The following DOCK3 variants were observed in gnomAD, a reference collection of about 807,000 sequenced individuals.
DOCK3 encodes dedicator of cytokinesis protein 3.
A neutral mutation model predicts 265.6 loss-of-function variants in DOCK3; 60 were observed. The ratio of observed to expected loss-of-function variants is 0.23; its 90% CI spans 0.18 to 0.28. The LOEUF (loss-of-function observed/expected upper bound fraction) is 0.28, where lower values mean the gene tolerates loss of function less well. DOCK3 is among the 10% of genes least tolerant of loss of function. The pLI is 1.00. For missense variants in DOCK3, 1,981 were observed against 2,594.3 expected (o/e 0.76, Z 5.14); for synonymous variants, 881 against 938.0 (o/e 0.94, Z 1.11).
intron 9 of DOCK3, among the ~76,000 whole-genome samples, chr3:51,091,572 A>G (rs2082638195): frequency 6.6e-6 from 1 of 150,562 alleles, no homozygotes; most frequent in East Asian, 2.0e-4. Flanking sequence ...AAGCCCAGCT[A>G]TTCAGGAGGC....
At chr3:51,192,157 C>T (rs541983845) in intron 12 of DOCK3, among the ~76,000 whole-genome samples, 1 of 151,504 alleles carries the variant, frequency 6.6e-6, no homozygotes, top group African/African-American at 2.4e-5. Flanking sequence ...TTGCCTAGAC[C>T]AATTTCCAGC....
intron 2 of DOCK3, among the ~76,000 whole-genome samples, chr3:50,826,847 G>A (rs971255547): frequency 1.4e-4 from 22 of 152,146 alleles, no homozygotes; most frequent in Admixed American, 1.2e-3. Context: ...AGACAAAGTC[G>A]TTGAAAATTA....
chr3:51,123,187 C>T (rs936101133), intron 9 of DOCK3, among the ~76,000 whole-genome samples: 3 of 152,264 alleles, frequency 2.0e-5, no homozygotes, highest in African/African-American at 7.2e-5. Flanking sequence ...CCATCTCCAC[C>T]CAACACTAGC....
chr3:51,081,928 G>A (rs373464005), intron 7 of DOCK3, among the ~76,000 whole-genome samples: 8 of 151,692 alleles, frequency 5.3e-5, no homozygotes, highest in African/African-American at 1.9e-4. Flanking sequence ...AAACTGGAGG[G>A]TTGCAGGGGG....
At chr3:50,682,020 C>T (rs577479453) in intron 1 of DOCK3, among the ~76,000 whole-genome samples, 1 of 152,338 alleles carries the variant, frequency 6.6e-6, no homozygotes, top group African/African-American at 2.4e-5. Flanking sequence ...ACTAATGACT[C>T]CCTGTAGTTT....
chr3:50,711,935 G>T (rs1266486584), intron 1 of DOCK3, among the ~76,000 whole-genome samples: 1 of 151,870 alleles, frequency 6.6e-6, no homozygotes, highest in Non-Finnish European at 1.5e-5. Flanking sequence ...TCCATTTCAC[G>T]TAAATTATCT....
chr3:50,984,332 T>C (rs4073739), intron 5 of DOCK3, among the ~76,000 whole-genome samples: 10,969 of 152,294 alleles, frequency 0.072, 991 homozygotes, highest in East Asian at 0.33. Flanking sequence ...TTTTATACTC[T>C]TGTGTGTTTT....
chr3:51,222,431 T>G (rs2090141106), intron 14 of DOCK3, among the ~76,000 whole-genome samples: 1 of 152,246 alleles, frequency 6.6e-6, no homozygotes, highest in Admixed American at 6.5e-5. Context: ...TTGCTTCTGC[T>G]TATGCTTTCT....
intron 27 of DOCK3, among the ~76,000 whole-genome samples, chr3:51,282,932 T>A (rs1300082502): frequency 6.6e-6 from 1 of 151,834 alleles, no homozygotes; most frequent in Non-Finnish European, 1.5e-5. Flanking sequence ...AACACAAAAA[T>A]CTCCAGCAAA....
At chr3:51,272,538 C>CA (rs2080564337) in intron 24 of DOCK3, among the ~76,000 whole-genome samples, 1 of 151,202 alleles carries the variant, frequency 6.6e-6, no homozygotes, top group East Asian at 2.0e-4. Context: ...CCACCCGCCT[C>CA]AGCCTCCCAA....
intron 5 of DOCK3, among the ~76,000 whole-genome samples, chr3:51,024,257 G>A (rs1207147356): frequency 6.6e-6 from 1 of 152,178 alleles, no homozygotes; most frequent in Non-Finnish European, 1.5e-5. Flanking sequence ...GGTTGGAATG[G>A]CAGGGATTCC....
intron 4 of DOCK3, among the ~76,000 whole-genome samples, chr3:50,929,166 T>A (rs1413545376): frequency 6.6e-6 from 1 of 152,248 alleles, no homozygotes; most frequent in Non-Finnish European, 1.5e-5. Flanking sequence ...CTTCATGTGT[T>A]GCAGAATTTG....
At chr3:50,859,096 T>G (rs1309714284) in intron 3 of DOCK3, among the ~76,000 whole-genome samples, 1 of 151,998 alleles carries the variant, frequency 6.6e-6, no homozygotes, top group Admixed American at 6.6e-5. Flanking sequence ...CATATTGTCA[T>G]CCTCCTGACT....
chr3:50,708,159 G>T (rs954094803), intron 1 of DOCK3, among the ~76,000 whole-genome samples: 23 of 152,238 alleles, frequency 1.5e-4, no homozygotes, highest in African/African-American at 5.5e-4. Flanking sequence ...GGGCTATGTG[G>T]GCCTATTTTC....
intron 9 of DOCK3, among the ~76,000 whole-genome samples, chr3:51,104,966 C>T (rs1472689265): frequency 1.3e-5 from 2 of 152,032 alleles, no homozygotes; most frequent in East Asian, 1.9e-4. Flanking sequence ...GAGAATTTCC[C>T]ATTTATTCCT....
At chr3:51,264,863 A>G (rs577882065) in intron 23 of DOCK3, among the ~76,000 whole-genome samples, 2 of 151,490 alleles carry the variant, frequency 1.3e-5, no homozygotes, top group East Asian at 3.9e-4. Flanking sequence ...TAAATAACTT[A>G]GATCAGAACA....
At chr3:51,192,861 T>TA (rs1412814812) in intron 12 of DOCK3, among the ~76,000 whole-genome samples, 1 of 152,130 alleles carries the variant, frequency 6.6e-6, no homozygotes, top group Non-Finnish European at 1.5e-5. Context: ...CACAGAAGTC[T>TA]ACTAGCTAAC....
At chr3:51,091,459 G>A (rs1317253385) in intron 9 of DOCK3, among the ~76,000 whole-genome samples, 3 of 152,194 alleles carry the variant, frequency 2.0e-5, no homozygotes, top group African/African-American at 4.8e-5. Flanking sequence ...CGAGGAGGGC[G>A]AATCACGAAG....
intron 35 of DOCK3, among the ~76,000 whole-genome samples, chr3:51,334,807 G>C (rs2084756434): frequency 6.6e-6 from 1 of 152,140 alleles, no homozygotes; most frequent in Non-Finnish European, 1.5e-5. Flanking sequence ...AATTTCTTAG[G>C]CTCCAAGGCC....
Sources: gnomAD v4.1 joint callset for allele counts (sites outside exome capture counted in the v4.1 genomes callset) on GRCh38, gnomAD v4.1.1 for gene constraint, MANE v1.5 for transcripts, NCBI Gene and HGNC (gene_info 2026-07-23, HGNC 2026-07-21) for gene names.